OR6N1: variants seen among roughly 807,000 people sequenced by gnomAD.
OR6N1 encodes olfactory receptor 6N1.
For synonymous variants in OR6N1, 170 were observed against 150.7 expected (o/e 1.13, Z -0.94); for missense variants, 394 against 371.7 (o/e 1.06, Z -0.49).
the OR6N1 span, among the ~76,000 whole-genome samples, chr1:158,831,731 C>T: frequency 6.6e-6 from 1 of 152,078 alleles, no homozygotes; most frequent in Non-Finnish European, 1.5e-5. Flanking sequence ...TTTTATTCTA[C>T]CACAATTGGG....
At chr1:158,807,597 C>T in the OR6N1 span, among the ~76,000 whole-genome samples, 1 of 152,166 alleles carries the variant, frequency 6.6e-6, no homozygotes, top group Admixed American at 6.5e-5. Context: ...CCCAGAATCC[C>T]TGGATGCCAC....
the OR6N1 span, among the ~76,000 whole-genome samples, chr1:158,781,398 A>T: frequency 2.0e-5 from 3 of 152,206 alleles, no homozygotes; most frequent in African/African-American, 7.2e-5. Context: ...TGGGAAGCCA[A>T]GTTTACCTCT....
At chr1:158,831,595 G>C in the OR6N1 span, 3 of 152,160 alleles carry the variant, frequency 2.0e-5, no homozygotes, top group African/African-American at 7.2e-5. Flanking sequence ...AAAGATCTAG[G>C]TATCTAGTTG....
At chr1:158,799,199 C>G in the OR6N1 span, among the ~76,000 whole-genome samples, 1 of 152,316 alleles carries the variant, frequency 6.6e-6, no homozygotes, top group Non-Finnish European at 1.5e-5. Flanking sequence ...TTATCTCACA[C>G]CTAGTCAATG....
At chr1:158,816,134 G>A in the OR6N1 span, among the ~76,000 whole-genome samples, 1 of 150,716 alleles carries the variant, frequency 6.6e-6, no homozygotes, top group Non-Finnish European at 1.5e-5. Flanking sequence ...CTCCAGCCTG[G>A]GTGACAGAGT....
the OR6N1 span, among the ~76,000 whole-genome samples, chr1:158,818,409 A>G: frequency 6.6e-6 from 1 of 152,204 alleles, no homozygotes; most frequent in East Asian, 1.9e-4. Context: ...TTTCAGTGTC[A>G]CTTCACCTGA....
At position 158,765,031 on chromosome 1, in the gene OR6N1, C is replaced by T. The variant is rs857821; in HGVS notation, c.*713G>A. 0.72 allele frequency: 109,380 copies of T among 151,782 alleles called. 39,621 individuals are homozygous for T. Among genetic ancestry groups the T allele is most frequent in the African/African-American group, 0.78 (32,131 of 41,400 alleles). The allele number at this position is 151,782 out of a possible 1,614,324, so 9.4% of individuals were successfully genotyped here. On this transcript the variant is annotated 3_prime_UTR_variant, in exon 2 of 2. Transcript: ENST00000641846. ...GTTTTACTAGATATTGTTCTAAGACCCAGAGTAATGATGTGAAGTCTTCGC... is the reference window on the plus strand; with the variant it reads ...GTTTTACTAGATATTGTTCTAAGACTCAGAGTAATGATGTGAAGTCTTCGC...
At chr1:158,778,548 C>G in the OR6N1 span, among the ~76,000 whole-genome samples, 1 of 152,182 alleles carries the variant, frequency 6.6e-6, no homozygotes, top group Non-Finnish European at 1.5e-5. Context: ...TCCATAGATG[C>G]AGGGCATCAC....
At chr1:158,829,818 C>T in the OR6N1 span, among the ~76,000 whole-genome samples, 4 of 152,174 alleles carry the variant, frequency 2.6e-5, no homozygotes, top group Non-Finnish European at 5.9e-5. Context: ...CTTAATGTTC[C>T]ACATGGCTGG....
At chr1:158,811,280 G>A in the OR6N1 span, among the ~76,000 whole-genome samples, 3 of 151,982 alleles carry the variant, frequency 2.0e-5, no homozygotes, top group South Asian at 2.1e-4. Context: ...GACTATCTCC[G>A]TCTCCACAAC....
the OR6N1 span, among the ~76,000 whole-genome samples, chr1:158,831,101 G>C: frequency 6.6e-6 from 1 of 152,130 alleles, no homozygotes; most frequent in African/African-American, 2.4e-5. Context: ...GGTTTCTAAT[G>C]ACCTATATGT....
At chr1:158,798,631 A>G in the OR6N1 span, among the ~76,000 whole-genome samples, 1 of 152,176 alleles carries the variant, frequency 6.6e-6, no homozygotes, top group Admixed American at 6.5e-5. Context: ...CACTTGTTTT[A>G]TGGCCAAGCA....
At chr1:158,816,930 G>A in the OR6N1 span, among the ~76,000 whole-genome samples, 2 of 152,200 alleles carry the variant, frequency 1.3e-5, no homozygotes, top group Non-Finnish European at 2.9e-5. Context: ...CAAAGAGAAC[G>A]CGGCTGAGAA....
chr1:158,801,488 G>A, the OR6N1 span, among the ~76,000 whole-genome samples: 1 of 152,198 alleles, frequency 6.6e-6, no homozygotes, highest in African/African-American at 2.4e-5. Flanking sequence ...AATGAGGAGA[G>A]AGAGGAATTG....
the OR6N1 span, among the ~76,000 whole-genome samples, chr1:158,839,367 C>T: frequency 6.6e-6 from 1 of 152,252 alleles, no homozygotes; most frequent in African/African-American, 2.4e-5. Context: ...TCCCTAAGAG[C>T]CACACCTGCC....
chr1:158,832,120 T>G, the OR6N1 span, among the ~76,000 whole-genome samples: 2 of 152,132 alleles, frequency 1.3e-5, no homozygotes, highest in African/African-American at 4.8e-5. Flanking sequence ...ATAATTCTCT[T>G]TTTCAAATGG....
chr1:158,773,495 T>A (rs1657474648), upstream of OR6N1, among the ~76,000 whole-genome samples: 1 of 152,148 alleles, frequency 6.6e-6, no homozygotes, highest in Admixed American at 6.6e-5. Flanking sequence ...TCTGCTACCC[T>A]CCCCTCCAAA....
chr1:158,780,102 T>C, the OR6N1 span, among the ~76,000 whole-genome samples: 1 of 152,238 alleles, frequency 6.6e-6, no homozygotes, highest in African/African-American at 2.4e-5. Context: ...TACAGTATTC[T>C]AATAAACTTA....
the OR6N1 span, chr1:158,777,310 G>A: frequency 9.8e-5 from 158 of 1,614,058 alleles, 1 homozygote; most frequent in African/African-American, 1.0e-3. Flanking sequence ...GCATTCAGAC[G>A]CTCCCAAGGA....
Sources: gnomAD v4.1 joint callset for allele counts (sites outside exome capture counted in the v4.1 genomes callset) on GRCh38, gnomAD v4.1.1 for gene constraint, MANE v1.5 for transcripts, NCBI Gene and HGNC (gene_info 2026-07-23, HGNC 2026-07-21) for gene names.